The following ADGRB1 variants were observed in gnomAD, a reference collection of about 807,000 sequenced individuals.
ADGRB1 encodes the protein brain-specific angiogenesis inhibitor 1.
Under a neutral mutation model 175.7 loss-of-function variants are expected in ADGRB1, and 36 were observed. That is an observed-to-expected ratio of 0.20 (90% CI 0.16 to 0.27). ADGRB1 has a LOEUF of 0.27. Among genes scored for constraint, ADGRB1 ranks in the 10% least tolerant of loss-of-function variants. The probability of loss-of-function intolerance (pLI) is 1.00; values close to 1 mark genes in which losing one functional copy is unlikely to be tolerated. For missense variants in ADGRB1, 1,731 were observed against 2,255.3 expected (o/e 0.77, Z 4.71); for synonymous variants, 1,054 against 979.4 (o/e 1.08, Z -1.42).
intron 14 of ADGRB1, 71 bp downstream of exon 14, chr8:142,488,578 C>T (rs1208696479): frequency 6.4e-7 from 1 of 1,565,052 alleles, no homozygotes; most frequent in African/African-American, 1.4e-5. Flanking sequence ...GGTCACCACC[C>T]TTCTGGAGTC....
intron 17 of ADGRB1, among the ~76,000 whole-genome samples, chr8:142,509,254 G>T (rs529780735): frequency 2.0e-5 from 3 of 152,184 alleles, no homozygotes; most frequent in Non-Finnish European, 4.4e-5. Flanking sequence ...GCCCTGTGCC[G>T]CTCAGCGCTG....
intron 2 of ADGRB1, among the ~76,000 whole-genome samples, chr8:142,469,175 GTGTGTGAA>G (rs1327530912): frequency 3.5e-5 from 4 of 115,208 alleles, no homozygotes; most frequent in Admixed American, 9.8e-5. Context: ...GTGTGTGCAT[GTGTGTGAA>G]TGTGTGCACA....
chr8:142,532,200 C>T (rs1041400996), intron 24 of ADGRB1, among the ~76,000 whole-genome samples: 1 of 152,182 alleles, frequency 6.6e-6, no homozygotes, highest in Non-Finnish European at 1.5e-5. Context: ...GATGACAGTC[C>T]TGCGGGCTGT....
Position 142,511,744 on chromosome 8 carries a change from C to G in ADGRB1, c.2817+671C>G, listed in dbSNP as rs1843117530. On this transcript the variant is annotated intron_variant, in intron 18 of 30. Transcript: ENST00000517894. This position sits in a 1 kb window ranked among gnomAD's most constrained non-coding sequence, Gnocchi z 4.5. Reference sequence around the variant, plus strand: ...TCCCTGGGGCGGGTGGGCTCTCTTGCTTTGGGCCGGCCAAGCTGCACCCCC... The same window carrying G: ...TCCCTGGGGCGGGTGGGCTCTCTTGGTTTGGGCCGGCCAAGCTGCACCCCC... Among the ~76,000 whole-genome samples the G allele has an allele frequency of 6.6e-6, 1 of 152,210 alleles. No individual in the cohort carries two copies. Among genetic ancestry groups the G allele is most frequent in the South Asian group, 2.1e-4 (1 of 4,838 alleles).
intron 19 of ADGRB1, among the ~76,000 whole-genome samples, chr8:142,519,017 G>A (rs1342210989): frequency 1.3e-5 from 2 of 152,104 alleles, no homozygotes; most frequent in African/African-American, 4.8e-5. Flanking sequence ...GAGGGTGGCC[G>A]AGCTTTCCCG....
chr8:142,544,364 G>A lies in ADGRB1; in HGVS notation c.4702G>A (p.Ala1568Thr), dbSNP rs913616996. 5.2e-6 allele frequency: 8 copies of A among 1,536,174 alleles called. No individual in the cohort carries two copies. The highest frequency in any genetic ancestry group is 2.4e-5 in the South Asian group (2 of 82,586). ...CAGCGTGGAGTGGGAGAGGTCGGGC[G>A]CCACGATCCCGCTGGTGGGCCAGGA... is the stretch of plus-strand genomic sequence containing the variant. ...LRSVEWERSG[A>T]TIPLVGQDII... The change falls in exon 31 of 31, where the codon GCC becomes ACC. Residue 1568 changes from alanine (A) to threonine (T), a missense_variant. Ala to Thr is a moderately conservative substitution (Grantham distance 58). Coordinates refer to ENST00000517894, the MANE Select transcript of ADGRB1 (RefSeq NM_001702.3).
rs1005450786 is a variant in ADGRB1, at chr8:142,543,810, C to G, written c.4557+102C>G. The G allele has an allele frequency of 2.2e-5, 25 of 1,151,632 alleles. No homozygotes were observed. The highest frequency in any genetic ancestry group is 2.7e-5 in the Non-Finnish European group (21 of 791,030). 71.3% of individuals were successfully genotyped at this position (1,151,632 alleles called of 1,614,324 possible). On this transcript the variant is annotated intron_variant, in intron 30 of 30. Transcript: ENST00000517894. This position sits in a 1 kb window ranked among gnomAD's most constrained non-coding sequence, Gnocchi z 4.4. ...GCACTTCATCCATCCATCCATCCAT[C>G]CATCCATTCGTTCATTCATTCATTC...
chr8:142,469,161 G>GCA (rs1840446285), intron 2 of ADGRB1, among the ~76,000 whole-genome samples: 1 of 10,340 alleles, frequency 9.7e-5, no homozygotes, highest in African/African-American at 2.5e-4. Flanking sequence ...GCGTGCATGT[G>GCA]TGTGTGTGTG....
chr8:142,473,198 G>A (rs1311666144), intron 2 of ADGRB1, among the ~76,000 whole-genome samples: 3 of 152,154 alleles, frequency 2.0e-5, no homozygotes, highest in African/African-American at 4.8e-5. Flanking sequence ...TCTCTCTCCC[G>A]CCCACTGCCA....
chr8:142,543,388 C>T lies in ADGRB1; in HGVS notation c.4414-15C>T. 1 of 1,613,712 alleles carries T rather than the reference C, an allele frequency of 6.2e-7. No homozygotes were observed. Among genetic ancestry groups the T allele is most frequent in the Non-Finnish European group, 8.5e-7 (1 of 1,179,766 alleles). ...GGACCCTTGGCGAATGTTCGCAAAC[C>T]CCTTCTCCCTGCAGCGGCGGAAGTC... On this transcript the variant is annotated splice_polypyrimidine_tract_variant and intron_variant, in intron 28 of 30. Transcript: ENST00000517894. This position sits in a 1 kb window ranked among gnomAD's most constrained non-coding sequence, Gnocchi z 4.4.
chr8:142,520,315 G>T (rs1340502439), intron 19 of ADGRB1, among the ~76,000 whole-genome samples: 7 of 151,676 alleles, frequency 4.6e-5, no homozygotes, highest in African/African-American at 1.7e-4. Flanking sequence ...TGATGGTGGT[G>T]ATGGCTGTGT....
chr8:142,537,063 A>T lies in ADGRB1; in HGVS notation c.3647A>T (p.Asn1216Ile). Reference sequence around the variant, plus strand: ...GGGGACTCAGGGGGCTCCTTCCAGAACGGCCACGCCCAGCTCATGGTAGGA... The same window carrying T: ...GGGGACTCAGGGGGCTCCTTCCAGATCGGCCACGCCCAGCTCATGGTAGGA... Reference protein sequence around the residue: ...GNGDSGGSFQNGHAQLMTDFE... With the variant: ...GNGDSGGSFQIGHAQLMTDFE... Residue 1216 changes from asparagine to isoleucine, a missense_variant, in exon 26 of 31, where the codon AAC (asparagine) becomes ATC (isoleucine). Transcript: ENST00000517894. This position sits in a 1 kb window ranked among gnomAD's most constrained non-coding sequence, Gnocchi z 4.6. The T allele has an allele frequency of 1.3e-6, 2 of 1,568,372 alleles. No homozygotes were observed. Among genetic ancestry groups the T allele is most frequent in the Non-Finnish European group, 1.7e-6 (2 of 1,157,378 alleles).
At chr8:142,456,599 A>G (rs1587239107) in intron 1 of ADGRB1, among the ~76,000 whole-genome samples, 1 of 152,226 alleles carries the variant, frequency 6.6e-6, no homozygotes, top group Non-Finnish European at 1.5e-5. Flanking sequence ...TATGTGCAGC[A>G]CACACGGCCA....
intron 6 of ADGRB1, 146 bp downstream of exon 6, chr8:142,477,695 A>G (rs1254880046): frequency 6.8e-6 from 8 of 1,178,644 alleles, no homozygotes; most frequent in African/African-American, 1.6e-5. Flanking sequence ...GACTGGGTTT[A>G]GGAAGCAGAC....
chr8:142,503,585 C>T (rs910460396), intron 17 of ADGRB1, among the ~76,000 whole-genome samples: 7 of 151,738 alleles, frequency 4.6e-5, no homozygotes, highest in East Asian at 1.9e-4. Flanking sequence ...CAAGACGGCT[C>T]GGGCAGGCTT....
intron 1 of ADGRB1, among the ~76,000 whole-genome samples, chr8:142,460,679 A>G (rs1481453732): frequency 6.6e-6 from 1 of 152,120 alleles, no homozygotes; most frequent in African/African-American, 2.4e-5. Flanking sequence ...CTGCCAGGGC[A>G]CTGGGCAGTT....
chr8:142,468,671 G>T (rs1015409708), intron 2 of ADGRB1, among the ~76,000 whole-genome samples: 1 of 152,216 alleles, frequency 6.6e-6, no homozygotes, highest in African/African-American at 2.4e-5. Flanking sequence ...CTGCCAGGAA[G>T]TCTTCCCTAG....
intron 24 of ADGRB1, among the ~76,000 whole-genome samples, chr8:142,527,892 G>A (rs1161047554): frequency 6.6e-6 from 1 of 152,242 alleles, no homozygotes; most frequent in East Asian, 1.9e-4. Context: ...TTGAGTGGCT[G>A]ATGGAGCTGA....
At chr8:142,462,463 C>G (rs1318136821) in intron 1 of ADGRB1, among the ~76,000 whole-genome samples, 1 of 152,236 alleles carries the variant, frequency 6.6e-6, no homozygotes, top group Non-Finnish European at 1.5e-5. Flanking sequence ...GGAGCACAGC[C>G]CAAGTCCAGC....
Sources: gnomAD v4.1 joint callset for allele counts (sites outside exome capture counted in the v4.1 genomes callset) on GRCh38, gnomAD v4.1.1 for gene constraint, Gnocchi (gnomAD v3.1) non-coding constraint, MANE v1.5 for transcripts, NCBI Gene and HGNC (gene_info 2026-07-23, HGNC 2026-07-21) for gene names.